Variants in TSNARE1 observed in about 807,000 individuals in gnomAD.
TSNARE1 encodes t-SNARE domain containing 1.
In TSNARE1, 49 loss-of-function variants were observed where a neutral mutation model predicts 62.0. The observed-to-expected ratio is 0.79, with a 90% CI of 0.63 to 1.00. The LOEUF (loss-of-function observed/expected upper bound fraction) is 1.00, where lower values mean the gene tolerates loss of function less well. Ranked by LOEUF, TSNARE1 falls within the 50% of genes least tolerant of loss-of-function variation. The pLI is 0.00. For synonymous variants in TSNARE1, 328 were observed against 294.4 expected (o/e 1.11, Z -1.17); for missense variants, 755 against 700.1 (o/e 1.08, Z -0.88).
In TSNARE1 at chr8:142,300,630, C is replaced by A; in HGVS notation, c.1146G>T (p.Pro382=). ...QRGSKQSPQA[P]FAELADDEKV... Reference sequence around the variant, plus strand: ...TCTCATCATCAGCCAGCTCGGCAAACGGGGCCTGGGGACTCTGCTGATGAC... The same window carrying A: ...TCTCATCATCAGCCAGCTCGGCAAAAGGGGCCTGGGGACTCTGCTGATGAC... The change falls in exon 10 of 14, where the codon CCG becomes CCT. Residue 382 remains proline (P), a synonymous_variant. Coordinates refer to ENST00000524325, the MANE Select transcript of TSNARE1 (RefSeq NM_145003.5). 6.2e-7 allele frequency: 1 copy of A among 1,613,412 alleles called. No individual in the cohort carries two copies. The highest frequency in any genetic ancestry group is 8.5e-7 in the Non-Finnish European group (1 of 1,179,814).
At chr8:142,383,361 C>A (rs1336044990) in intron 1 of TSNARE1, among the ~76,000 whole-genome samples, 3 of 152,166 alleles carry the variant, frequency 2.0e-5, no homozygotes, top group Non-Finnish European at 4.4e-5. Context: ...AGACAAGGCA[C>A]CACCCAGTAC....
intron 1 of TSNARE1, among the ~76,000 whole-genome samples, chr8:142,363,779 T>C (rs964515409): frequency 4.6e-5 from 7 of 151,994 alleles, no homozygotes; most frequent in African/African-American, 1.7e-4. Flanking sequence ...TCAGGGTGCT[T>C]TGGAAGTCAA....
At chr8:142,310,823 A>G (rs1827455658) in intron 9 of TSNARE1, among the ~76,000 whole-genome samples, 1 of 151,990 alleles carries the variant, frequency 6.6e-6, no homozygotes, top group South Asian at 2.1e-4. Flanking sequence ...AATTTTTATC[A>G]TGCTATGACC....
chr8:142,346,044 C>T lies in TSNARE1; in HGVS notation c.89-152G>A. The T allele has an allele frequency of 4.8e-6, 4 of 840,524 alleles. No homozygotes were observed. The South Asian group carries it at 7.5e-5, about 16-fold the overall frequency. The allele number at this position is 840,524 out of a possible 1,614,324, so 52.1% of individuals were successfully genotyped here. On this transcript the variant is annotated intron_variant, in intron 2 of 13. Coordinates refer to ENST00000524325, the MANE Select transcript of TSNARE1 (RefSeq NM_145003.5). ...AAGCCCTCCCTGCCTGCTATATCCT[C>T]TGGATCATCCCCCTTCTGCTGAATG...
chr8:142,223,196 A>ATTCC, intron 13 of TSNARE1, among the ~76,000 whole-genome samples: 1 of 138,832 alleles, frequency 7.2e-6, no homozygotes, highest in Non-Finnish European at 1.5e-5. Context: ...TCACTCGTTC[A>ATTCC]CTCACTCATA....
In TSNARE1 at chr8:142,319,873, C is replaced by CG. The variant is rs1411894752; in HGVS notation, c.894-1240dup. On this transcript the variant is annotated intron_variant, in intron 6 of 13. Coordinates refer to ENST00000524325, the MANE Select transcript of TSNARE1 (RefSeq NM_145003.5). The surrounding 1 kb of genome is among the most constrained non-coding windows in gnomAD (Gnocchi z 4.9). The stretch of plus-strand genomic sequence containing the variant: ...AGCCATAAGGTTACTACAGACTAGG[C>CG]GGGAAGCGCGGGGACAGGAGCTTTC... Among the ~76,000 whole-genome samples the CG allele has an allele frequency of 1.3e-5, 2 of 152,158 alleles. No individual in the cohort carries two copies. The highest frequency in any genetic ancestry group is 4.8e-5 in the African/African-American group (2 of 41,446).
intron 12 of TSNARE1, chr8:142,247,721 T>C (rs1817957619): frequency 6.6e-6 from 1 of 152,292 alleles, no homozygotes; most frequent in Non-Finnish European, 1.5e-5. Flanking sequence ...TTAGGCAACC[T>C]GGTGGTCCCC....
chr8:142,304,171 G>A (rs1826256218), intron 9 of TSNARE1, among the ~76,000 whole-genome samples: 1 of 152,264 alleles, frequency 6.6e-6, no homozygotes, highest in Non-Finnish European at 1.5e-5. Context: ...CTCGTCCAAG[G>A]TGGTAATTAT....
chr8:142,366,114 G>C (rs1835532511), intron 1 of TSNARE1: 1 of 276,940 alleles, frequency 3.6e-6, no homozygotes, highest in South Asian at 3.0e-5. Context: ...TCAGCTCACT[G>C]TAAGCTCCGC....
chr8:142,344,556 C>G (rs1345573967), intron 3 of TSNARE1, 84 bp from the exon 4 acceptor site: 1 of 1,354,054 alleles, frequency 7.4e-7, no homozygotes, highest in Non-Finnish European at 9.6e-7. Flanking sequence ...ACGGCGCCTC[C>G]TCTCTGGTTT....
At chr8:142,385,212 T>C (rs1406548677) in intron 1 of TSNARE1, among the ~76,000 whole-genome samples, 3 of 151,780 alleles carry the variant, frequency 2.0e-5, no homozygotes, top group African/African-American at 7.3e-5. Context: ...CAAAAGACAA[T>C]ACAGTGACAC....
At chr8:142,397,825 C>T (rs1251055378) in intron 1 of TSNARE1, among the ~76,000 whole-genome samples, 1 of 152,166 alleles carries the variant, frequency 6.6e-6, no homozygotes, top group Non-Finnish European at 1.5e-5. Context: ...CACAGCGCAG[C>T]CACCACAAGG....
intron 9 of TSNARE1, among the ~76,000 whole-genome samples, chr8:142,305,874 C>G (rs1022764947): frequency 1.3e-5 from 2 of 152,208 alleles, no homozygotes; most frequent in African/African-American, 2.4e-5. Flanking sequence ...GAGACATGCT[C>G]TAACGTGAGT....
At chr8:142,246,429 T>A (rs1260950789) in intron 12 of TSNARE1, among the ~76,000 whole-genome samples, 2 of 149,846 alleles carry the variant, frequency 1.3e-5, no homozygotes, top group African/African-American at 2.5e-5. Context: ...ATCTGAGGAG[T>A]CAGGAGCCAG....
intron 3 of TSNARE1, among the ~76,000 whole-genome samples, chr8:142,345,012 C>T (rs551931881): frequency 6.6e-5 from 10 of 152,362 alleles, no homozygotes; most frequent in South Asian, 2.1e-4. Flanking sequence ...CTTCCCCTCC[C>T]GCACTTGGGC....
At chr8:142,343,380 G>A (rs781466219) in intron 4 of TSNARE1, among the ~76,000 whole-genome samples, 16 of 151,866 alleles carry the variant, frequency 1.1e-4, no homozygotes, top group Non-Finnish European at 1.9e-4. Context: ...CGCAGCAGGA[G>A]GAACATGAGC....
At chr8:142,235,902 A>G (rs1352795341) in intron 12 of TSNARE1, among the ~76,000 whole-genome samples, 1 of 152,118 alleles carries the variant, frequency 6.6e-6, no homozygotes, top group Non-Finnish European at 1.5e-5. Flanking sequence ...GTTGAGGAGC[A>G]TGGCGGGGCA....
At chr8:142,275,302 T>A (rs1279435807) in intron 11 of TSNARE1, 1 of 985,252 alleles carries the variant, frequency 1.0e-6, no homozygotes, top group Non-Finnish European at 1.2e-6. Context: ...GGAGACCGGG[T>A]CTGCAAGCAC....
At chr8:142,215,955 G>A (rs1815811757) in intron 13 of TSNARE1, among the ~76,000 whole-genome samples, 1 of 152,156 alleles carries the variant, frequency 6.6e-6, no homozygotes, top group African/African-American at 2.4e-5. Flanking sequence ...GGGATACAGG[G>A]ATGGATGGCC....
Sources: allele counts gnomAD v4.1 joint callset (sites outside exome capture counted in the v4.1 genomes callset), GRCh38; gene constraint gnomAD v4.1.1; non-coding constraint Gnocchi (gnomAD v3.1); transcripts MANE v1.5; gene names NCBI Gene and HGNC (gene_info 2026-07-23, HGNC 2026-07-21).